ZBTB20: variants seen among roughly 807,000 people sequenced by gnomAD.
ZBTB20 encodes the protein zinc finger and BTB domain containing 20.
A neutral mutation model predicts 56.9 loss-of-function variants in ZBTB20; 9 were observed. The ratio of observed to expected loss-of-function variants is 0.16; its 90% confidence interval spans 0.10 to 0.28. The LOEUF (loss-of-function observed/expected upper bound fraction) is 0.28, where lower values mean the gene tolerates loss of function less well. Ranked by LOEUF, ZBTB20 falls within the 10% of genes least tolerant of loss-of-function variation. The pLI, the probability that ZBTB20 is intolerant of heterozygous loss-of-function variation, is 1.00. For missense variants in ZBTB20, 655 were observed against 1,003.0 expected (o/e 0.65, Z 4.69); for synonymous variants, 417 against 420.7 (o/e 0.99, Z 0.11).
intron 3 of ZBTB20, among the ~76,000 whole-genome samples, chr3:114,919,769 T>C (rs116113832): frequency 0.024 from 3,586 of 151,868 alleles, 146 homozygotes; most frequent in African/African-American, 0.083. Context: ...TAAGTCCTTA[T>C]TTGTCAATAA....
chr3:114,926,390 G>T (rs528426464), intron 3 of ZBTB20, among the ~76,000 whole-genome samples: 2 of 152,010 alleles, frequency 1.3e-5, no homozygotes, highest in African/African-American at 2.4e-5. Context: ...TTTGGTTTTT[G>T]TCCAGAGTTT....
chr3:114,635,725 G>C (rs1047588838), intron 6 of ZBTB20, among the ~76,000 whole-genome samples: 1 of 151,790 alleles, frequency 6.6e-6, no homozygotes, highest in African/African-American at 2.4e-5. Context: ...TGAACATAAA[G>C]ACAGATCATT....
chr3:114,481,563 T>TTG (rs2041548327), intron 7 of ZBTB20, among the ~76,000 whole-genome samples: 4 of 152,226 alleles, frequency 2.6e-5, no homozygotes, highest in Admixed American at 2.6e-4. Context: ...TTAGGCCTTC[T>TTG]CTGAGAAACT....
chr3:114,978,074 C>A (rs1172987529), intron 2 of ZBTB20, among the ~76,000 whole-genome samples: 3 of 149,574 alleles, frequency 2.0e-5, no homozygotes, highest in South Asian at 2.1e-4. Flanking sequence ...ACTTAAGAGG[C>A]CAATAAAAAA....
chr3:115,016,078 G>C (rs1009272954), intron 2 of ZBTB20, among the ~76,000 whole-genome samples: 23 of 151,922 alleles, frequency 1.5e-4, no homozygotes, highest in Admixed American at 1.2e-3. Flanking sequence ...CATTGATGTT[G>C]AGCTTTTTTC....
intron 5 of ZBTB20, among the ~76,000 whole-genome samples, chr3:114,799,569 A>T (rs1038633336): frequency 6.6e-6 from 1 of 151,952 alleles, no homozygotes; most frequent in African/African-American, 2.4e-5. Context: ...TTGAAATTAA[A>T]CTAATAGCAG....
At chr3:114,958,659 C>A (rs1436766807) in intron 3 of ZBTB20, among the ~76,000 whole-genome samples, 1 of 151,938 alleles carries the variant, frequency 6.6e-6, no homozygotes, top group East Asian at 1.9e-4. Context: ...ACCAGCCTGG[C>A]CAACATGGTG....
At chr3:114,731,630 T>A (rs1001594713) in intron 5 of ZBTB20, among the ~76,000 whole-genome samples, 1 of 152,170 alleles carries the variant, frequency 6.6e-6, no homozygotes, top group African/African-American at 2.4e-5. Context: ...AATAGTGTGG[T>A]CAATCAACCA....
intron 6 of ZBTB20, among the ~76,000 whole-genome samples, chr3:114,537,412 A>C (rs533522681): frequency 6.6e-6 from 1 of 152,344 alleles, no homozygotes; most frequent in Admixed American, 6.5e-5. Flanking sequence ...TCATTAGAGA[A>C]ATGCAAATCA....
chr3:114,873,338 T>A (rs891203262), intron 4 of ZBTB20: 3 of 152,170 alleles, frequency 2.0e-5, no homozygotes, highest in Non-Finnish European at 4.4e-5. Context: ...GGTTCATATA[T>A]GTGAATGTGT....
chr3:114,788,082 C>G (rs1165075740), intron 5 of ZBTB20, among the ~76,000 whole-genome samples: 2 of 152,136 alleles, frequency 1.3e-5, no homozygotes, highest in Non-Finnish European at 1.5e-5. Flanking sequence ...TCATAAAAAT[C>G]TAATGATTCT....
At chr3:114,847,242 T>C (rs948333120) in intron 4 of ZBTB20, among the ~76,000 whole-genome samples, 1 of 151,708 alleles carries the variant, frequency 6.6e-6, no homozygotes, top group South Asian at 2.1e-4. Context: ...AGGGATACCG[T>C]CATTACTTCA....
chr3:114,863,277 T>C (rs2075614160), intron 4 of ZBTB20, among the ~76,000 whole-genome samples: 1 of 152,142 alleles, frequency 6.6e-6, no homozygotes, highest in Admixed American at 6.6e-5. Flanking sequence ...TTAGGTCAAA[T>C]GATTAGTTCT....
chr3:114,747,586 T>C (rs938469666), intron 5 of ZBTB20, among the ~76,000 whole-genome samples: 1 of 151,926 alleles, frequency 6.6e-6, no homozygotes, highest in Non-Finnish European at 1.5e-5. Context: ...TAAAATGACG[T>C]TCATATTTTT....
chr3:114,660,918 G>C lies in ZBTB20; in HGVS notation c.-295+32610C>G, dbSNP rs558982911. ...GGAGAGAGAGACAGCAAGTGAGAGAGAGAAGCTTTTGGACCTCTCTCTCCA... is the reference window on the plus strand; with the variant it reads ...GGAGAGAGAGACAGCAAGTGAGAGACAGAAGCTTTTGGACCTCTCTCTCCA... On this transcript the variant is annotated intron_variant, in intron 6 of 11. Transcript: ENST00000675478. Among the ~76,000 whole-genome samples the C allele has an allele frequency of 2.0e-5, 3 of 152,176 alleles. No individual in the cohort carries two copies. In the East Asian group the frequency reaches 5.8e-4, roughly 29 times the overall value.
chr3:114,399,195 T>G (rs1011384298), intron 7 of ZBTB20, among the ~76,000 whole-genome samples: 1 of 152,152 alleles, frequency 6.6e-6, no homozygotes, highest in Non-Finnish European at 1.5e-5. Context: ...GAGAAAAGTA[T>G]AGCTTTCTTT....
chr3:114,813,332 G>C (rs1228142670), intron 4 of ZBTB20, among the ~76,000 whole-genome samples: 1 of 152,230 alleles, frequency 6.6e-6, no homozygotes. Context: ...ACAGATTTCT[G>C]TTCCTGTGGA....
At position 114,638,606 on chromosome 3, in the gene ZBTB20, C is replaced by T. The variant is rs367755079; in HGVS notation, c.-295+54922G>A. Among the ~76,000 whole-genome samples, 4 of 152,026 alleles carry T rather than the reference C, an allele frequency of 2.6e-5. No individual in the cohort carries two copies. The East Asian group carries it at 7.7e-4, about 29-fold the overall frequency. On this transcript the variant is annotated intron_variant, in intron 6 of 11. Transcript: ENST00000675478. Reference sequence around the variant, plus strand: ...ACTTCATAAACATTCATTTGCTTCACATCTTGATTAAATATGCTAGACTTT... The same window carrying T: ...ACTTCATAAACATTCATTTGCTTCATATCTTGATTAAATATGCTAGACTTT...
chr3:114,929,947 T>A (rs1175937692), intron 3 of ZBTB20, among the ~76,000 whole-genome samples: 1 of 152,228 alleles, frequency 6.6e-6, no homozygotes, highest in African/African-American at 2.4e-5. Context: ...TCCCTTATTC[T>A]TACTTGAATA....
Sources: allele counts gnomAD v4.1 joint callset (sites outside exome capture counted in the v4.1 genomes callset), GRCh38; gene constraint gnomAD v4.1.1; transcripts MANE v1.5; gene names NCBI Gene and HGNC (gene_info 2026-07-23, HGNC 2026-07-21).